The following ST3GAL1 variants were observed in gnomAD, a reference collection of about 807,000 sequenced individuals.
ST3GAL1 encodes ST3 beta-galactoside alpha-2,3-sialyltransferase 1.
A neutral mutation model predicts 34.1 loss-of-function variants in ST3GAL1; 16 were observed. The ratio of observed to expected loss-of-function variants is 0.47; its 90% CI spans 0.32 to 0.71. The LOEUF is 0.71. Ranked by LOEUF, ST3GAL1 falls within the 30% of genes least tolerant of loss-of-function variation. The pLI is 0.04. For synonymous variants in ST3GAL1, 191 were observed against 184.7 expected (o/e 1.03, Z -0.28); for missense variants, 353 against 447.4 (o/e 0.79, Z 1.90).
chr8:133,515,788 TGA>T (rs1422091351), intron 2 of ST3GAL1: 5 of 152,334 alleles, frequency 3.3e-5, no homozygotes, highest in Non-Finnish European at 7.4e-5. Context: ...CAGTAGATTG[TGA>T]TAAATCATAA....
At chr8:133,565,712 GTCC>G (rs1352860297) in intron 1 of ST3GAL1, among the ~76,000 whole-genome samples, 9 of 152,298 alleles carry the variant, frequency 5.9e-5, no homozygotes, top group Non-Finnish European at 5.9e-5. Context: ...ATTTTGTGGG[GTCC>G]TCCTAACTCT....
rs572040454 is a variant in ST3GAL1 at position 133,541,298 on chromosome 8, G to A, written c.-429+4476C>T. Among the ~76,000 whole-genome samples, 71 of 151,784 alleles carry A rather than the reference G, an allele frequency of 4.7e-4. 1 individual carries two copies. Among genetic ancestry groups the A allele is most frequent in the African/African-American group, 1.7e-3 (70 of 41,352 alleles). On this transcript the variant is annotated intron_variant, in intron 2 of 9. Transcript: ENST00000522652. ...GGTGCACATTCTGCATGTTTGCTGG[G>A]AGCTGGAGACACAAATGTGTTTAAG...
intron 1 of ST3GAL1, among the ~76,000 whole-genome samples, chr8:133,550,774 C>A (rs912345908): frequency 6.6e-6 from 1 of 152,166 alleles, no homozygotes; most frequent in Non-Finnish European, 1.5e-5. Flanking sequence ...GTTCTGAACC[C>A]ATAAATCATT....
At chr8:133,551,556 AAGAAAGAAAG>A (rs974397215) in intron 1 of ST3GAL1, among the ~76,000 whole-genome samples, 3 of 121,748 alleles carry the variant, frequency 2.5e-5, no homozygotes, top group Non-Finnish European at 3.5e-5. Context: ...GAAAGAAAGA[AAGAAAGAAAG>A]AAAGAAAGAA....
chr8:133,562,850 CTTTTTTT>C (rs11374505), intron 1 of ST3GAL1, among the ~76,000 whole-genome samples: 4 of 106,338 alleles, frequency 3.8e-5, no homozygotes, highest in African/African-American at 1.6e-4. Flanking sequence ...TCCTTTCTTT[CTTTTTTT>C]TTTTTTTTTT....
chr8:133,542,779 CAAAAAA>C (rs35321251), intron 2 of ST3GAL1, among the ~76,000 whole-genome samples: 9 of 85,524 alleles, frequency 1.1e-4, no homozygotes, highest in Non-Finnish European at 2.1e-4. Context: ...TCCTCCATCT[CAAAAAA>C]AAAAAAAAAA....
chr8:133,501,601 G>A (rs1586622597), intron 2 of ST3GAL1, among the ~76,000 whole-genome samples: 1 of 152,034 alleles, frequency 6.6e-6, no homozygotes, highest in East Asian at 1.9e-4. Context: ...ATACAAAAAT[G>A]AGCCAGGTGT....
intron 6 of ST3GAL1, 65 bp from the exon 7 acceptor site, chr8:133,465,022 G>C: frequency 6.0e-6 from 9 of 1,511,532 alleles, no homozygotes; most frequent in Non-Finnish European, 8.1e-6. Flanking sequence ...CAGCCTGAGA[G>C]CTCCGAGAGA....
chr8:133,519,170 A>G (rs946121237), intron 2 of ST3GAL1, among the ~76,000 whole-genome samples: 4 of 152,204 alleles, frequency 2.6e-5, no homozygotes, highest in African/African-American at 9.6e-5. Flanking sequence ...AATGCAAATA[A>G]AAACAGAATA....
chr8:133,487,311 A>G (rs1272917599), intron 3 of ST3GAL1, among the ~76,000 whole-genome samples: 1 of 148,030 alleles, frequency 6.8e-6, no homozygotes, highest in Non-Finnish European at 1.5e-5. Context: ...ATATATATAT[A>G]GTGCTTAGAA....
chr8:133,515,190 G>T (rs932214300), intron 2 of ST3GAL1, among the ~76,000 whole-genome samples: 1 of 152,182 alleles, frequency 6.6e-6, no homozygotes, highest in Non-Finnish European at 1.5e-5. Context: ...AAGAGAGCTC[G>T]CTCCCATGCC....
intron 7 of ST3GAL1, 105 bp downstream of exon 7, chr8:133,464,672 AG>A: frequency 1.6e-6 from 2 of 1,274,436 alleles, no homozygotes; most frequent in Non-Finnish European, 2.2e-6. Context: ...AGGCTGGGGG[AG>A]GGGAGGCACC....
chr8:133,516,100 C>A (rs949111437), intron 2 of ST3GAL1: 3 of 152,270 alleles, frequency 2.0e-5, no homozygotes, highest in Admixed American at 6.5e-5. Context: ...AGGTGATCCA[C>A]CCACCTCGGC....
intron 3 of ST3GAL1, among the ~76,000 whole-genome samples, chr8:133,498,631 A>C (rs924822015): frequency 6.6e-6 from 1 of 152,254 alleles, no homozygotes; most frequent in South Asian, 2.1e-4. Context: ...AAAACCAAAA[A>C]TACTACAAAC....
Position 133,541,058 on chromosome 8 carries a change from T to TATATAGAC in ST3GAL1, c.-429+4715_-429+4716insGTCTATAT, listed in dbSNP as rs1554618820. On this transcript the variant is annotated intron_variant, in intron 2 of 9. Transcript: ENST00000522652. ...ACATATATAGACATATATATAGACA[T>TATATAGAC]ATATATATAGACATATATATAGACA... Among the ~76,000 whole-genome samples the TATATAGAC allele has an allele frequency of 4.0e-3, 110 of 27,394 alleles. 2 individuals are homozygous for TATATAGAC. The highest frequency in any genetic ancestry group is 5.2e-3 in the Non-Finnish European group (82 of 15,760). 18.0% of individuals were successfully genotyped at this position (27,394 alleles called of 152,430 possible).
chr8:133,460,640 G>A (rs1209779874), intron 9 of ST3GAL1, among the ~76,000 whole-genome samples: 1 of 152,216 alleles, frequency 6.6e-6, no homozygotes, highest in Non-Finnish European at 1.5e-5. Flanking sequence ...GGGGGAAGCA[G>A]CCTTGGAGCT....
chr8:133,487,303 A>G (rs1243400408), intron 3 of ST3GAL1, among the ~76,000 whole-genome samples: 1 of 151,642 alleles, frequency 6.6e-6, no homozygotes, highest in Non-Finnish European at 1.5e-5. Context: ...GTATATATAT[A>G]TATATATAGT....
chr8:133,499,341 T>C (rs1044341960), intron 2 of ST3GAL1, 152 bp from the exon 3 acceptor site: 1 of 152,128 alleles, frequency 6.6e-6, no homozygotes, highest in African/African-American at 2.4e-5. Context: ...CCACTCAGTG[T>C]GGGGAGAGAA....
At position 133,465,930 on chromosome 8, in the gene ST3GAL1, T is replaced by A. The variant is rs758794806; in HGVS notation, c.467A>T (p.Tyr156Phe). Residue 156 changes from tyrosine to phenylalanine, a missense_variant, in exon 6 of 10, where the codon TAT (tyrosine) becomes TTT (phenylalanine). Tyr to Phe is a conservative substitution (Grantham distance 22). Transcript: ENST00000522652. ...GTCGTGACTGTCTATCTCAGGCCCA[T>A]AAGAAGACTCCCTCAGGTTGCCCGA... Reference protein sequence around the residue: ...GNSGNLRESSYGPEIDSHDFV... With the variant: ...GNSGNLRESSFGPEIDSHDFV... 4.2e-5 allele frequency: 68 copies of A among 1,613,988 alleles called. No homozygotes were observed. The highest frequency in any genetic ancestry group is 2.5e-6 in the Non-Finnish European group (3 of 1,180,006).
Sources: allele counts gnomAD v4.1 joint callset (sites outside exome capture counted in the v4.1 genomes callset), GRCh38; gene constraint gnomAD v4.1.1; transcripts MANE v1.5; gene names NCBI Gene and HGNC (gene_info 2026-07-23, HGNC 2026-07-21).